Variants in COQ10B observed in about 807,000 individuals in gnomAD.
COQ10B encodes coenzyme Q10B.
Under a neutral mutation model 27.6 loss-of-function variants are expected in COQ10B, and 12 were observed. The observed-to-expected ratio is 0.43, with a 90% CI of 0.28 to 0.70. The LOEUF (loss-of-function observed/expected upper bound fraction) is 0.70, where lower values mean the gene tolerates loss of function less well. Among genes scored for constraint, COQ10B ranks in the 30% least tolerant of loss-of-function variants. The pLI, the probability that COQ10B is intolerant of heterozygous loss-of-function variation, is 0.17. For missense variants in COQ10B, 278 were observed against 288.7 expected, an observed-to-expected ratio of 0.96 and a Z score of 0.27; for synonymous variants, 115 against 103.0, an observed-to-expected ratio of 1.12 and a Z score of -0.71.
chr2:197,467,081 G>T (rs1373530495), intron 3 of COQ10B, among the ~76,000 whole-genome samples: 1 of 151,402 alleles, frequency 6.6e-6, no homozygotes, highest in Non-Finnish European at 1.5e-5. Flanking sequence ...TGAGTAGCTG[G>T]GATTATAGGC....
chr2:197,463,115 TAAA>T (rs972260134), intron 3 of COQ10B, among the ~76,000 whole-genome samples: 16 of 152,070 alleles, frequency 1.1e-4, no homozygotes, highest in African/African-American at 3.9e-4. Context: ...TTTTTTAAGT[TAAA>T]GAAGGAATGG....
intron 4 of COQ10B, among the ~76,000 whole-genome samples, chr2:197,471,552 G>A (rs187772107): frequency 1.4e-4 from 21 of 152,276 alleles, no homozygotes; most frequent in Admixed American, 1.4e-3. Flanking sequence ...GGCAACTTGG[G>A]CATTGAATTT....
intron 3 of COQ10B, among the ~76,000 whole-genome samples, chr2:197,464,019 A>G (rs1236786324): frequency 1.6e-5 from 2 of 125,256 alleles, no homozygotes; most frequent in Non-Finnish European, 3.3e-5. Context: ...ACACACACAC[A>G]CACACACATA....
intron 2 of COQ10B, among the ~76,000 whole-genome samples, chr2:197,460,292 C>G (rs1052803695): frequency 6.6e-6 from 1 of 150,832 alleles, no homozygotes; most frequent in African/African-American, 2.4e-5. Flanking sequence ...ACCTTCGCCT[C>G]TCAGATTCAA....
intron 1 of COQ10B, chr2:197,454,033 G>T (rs1312528067): frequency 1.3e-6 from 2 of 1,551,240 alleles, no homozygotes; most frequent in South Asian, 2.4e-5. Context: ...TGGCTGTATG[G>T]GAGTTTGTGT....
At chr2:197,456,066 C>T (rs913722126) in intron 1 of COQ10B, among the ~76,000 whole-genome samples, 2 of 152,178 alleles carry the variant, frequency 1.3e-5, no homozygotes, top group Non-Finnish European at 1.5e-5. Flanking sequence ...GAAATTCTGT[C>T]ATTTGCAGCA....
intron 2 of COQ10B, among the ~76,000 whole-genome samples, chr2:197,461,627 CAGAGAGAGAG>C (rs66918493): frequency 0.16 from 20,921 of 129,492 alleles, 1,657 homozygotes; most frequent in Middle Eastern, 0.28. Flanking sequence ...TACAGGGTCT[CAGAGAGAGAG>C]AGAGAGAGAG....
chr2:197,470,345 G>GT (rs1195346104), intron 4 of COQ10B, among the ~76,000 whole-genome samples, 174 bp downstream of exon 4: 1 of 152,066 alleles, frequency 6.6e-6, no homozygotes, highest in East Asian at 1.9e-4. Context: ...CCTTCATTCT[G>GT]TTTTTTACAA....
intron 1 of COQ10B, among the ~76,000 whole-genome samples, 173 bp from the exon 2 acceptor site, chr2:197,459,759 T>C (rs1305998151): frequency 6.6e-6 from 1 of 152,144 alleles, no homozygotes; most frequent in Non-Finnish European, 1.5e-5. Flanking sequence ...TTTTTTTTTT[T>C]TACAGTGTTT....
At chr2:197,469,311 C>A (rs370756637) in intron 3 of COQ10B, among the ~76,000 whole-genome samples, 3 of 152,358 alleles carry the variant, frequency 2.0e-5, no homozygotes, top group Admixed American at 6.5e-5. Flanking sequence ...CTCAAGTGAT[C>A]CCCCAACCTT....
At chr2:197,457,713 C>G (rs555779805) in intron 1 of COQ10B, among the ~76,000 whole-genome samples, 6 of 151,386 alleles carry the variant, frequency 4.0e-5, no homozygotes, top group Non-Finnish European at 7.4e-5. Flanking sequence ...CCTCCGCGTC[C>G]CAGGTTCAAG....
intron 3 of COQ10B, among the ~76,000 whole-genome samples, chr2:197,463,964 AATAT>A (rs879356506): frequency 0.016 from 455 of 28,068 alleles, 12 homozygotes; most frequent in Middle Eastern, 0.023. Flanking sequence ...AAAAAAAAAA[AATAT>A]ATATATATAT....
In COQ10B at chr2:197,464,022, C is replaced by CACACACAT. The variant is rs1553574118; in HGVS notation, c.447+1296_447+1297insCATACACA. Among the ~76,000 whole-genome samples, 140 of 99,626 alleles carry CACACACAT rather than the reference C, an allele frequency of 1.4e-3. 3 individuals carry two copies. The highest frequency in any genetic ancestry group is 2.4e-3 in the East Asian group (8 of 3,292). The allele number at this position is 99,626 out of a possible 152,430, so 65.4% of individuals were successfully genotyped here. Reference sequence around the variant, plus strand: ...ACACACACACACACACACACACACACACACATACATACACACACATATATA... The same window carrying CACACACAT: ...ACACACACACACACACACACACACACACACACATACACATACATACACACACATATATA... On this transcript the variant is annotated intron_variant, in intron 3 of 4. Coordinates refer to ENST00000263960, the MANE Select transcript of COQ10B (RefSeq NM_025147.5).
intron 4 of COQ10B, among the ~76,000 whole-genome samples, chr2:197,471,889 C>G (rs971829038): frequency 6.7e-6 from 1 of 149,462 alleles, no homozygotes; most frequent in African/African-American, 2.5e-5. Flanking sequence ...TTGCAGTGAT[C>G]TGAGATCGTA....
At position 197,453,610 on chromosome 2, in the gene COQ10B, G is replaced by A. The variant is rs1397601099; in HGVS notation, c.50G>A (p.Cys17Tyr). The change falls in exon 1 of 5, where the codon TGC (cysteine) becomes TAC (tyrosine). Residue 17 changes from cysteine (C) to tyrosine (Y), a missense_variant. Physicochemically the swap from Cys to Tyr is radical, Grantham distance 194. This residue lies in a region of COQ10B where 183 missense variants were observed against 158.2 expected (regional missense o/e 1.16). Transcript: ENST00000263960. Reference protein sequence around the residue: ...HTALRRVVSGCRPKSATAAGA... With the variant: ...HTALRRVVSGYRPKSATAAGA... ...GCCTTGAGAAGGGTAGTCTCGGGAT[G>A]CCGTCCGAAGTCGGCGACAGCGGCC... 2 of 1,614,056 alleles carry A rather than the reference G, an allele frequency of 1.2e-6. No individual in the cohort carries two copies. Among genetic ancestry groups the A allele is most frequent in the Non-Finnish European group, 1.7e-6 (2 of 1,180,002 alleles).
chr2:197,471,009 T>C (rs1488827713), intron 4 of COQ10B, among the ~76,000 whole-genome samples: 1 of 152,182 alleles, frequency 6.6e-6, no homozygotes, highest in East Asian at 1.9e-4. Context: ...GAGCTTGCAG[T>C]GAACTATGAT....
At chr2:197,465,481 G>A (rs1444195442) in intron 3 of COQ10B, among the ~76,000 whole-genome samples, 1 of 151,638 alleles carries the variant, frequency 6.6e-6, no homozygotes, top group South Asian at 2.1e-4. Flanking sequence ...TAGTAGAGAC[G>A]GGGTTTCTCC....
At chr2:197,456,472 A>G (rs1559290565) in intron 1 of COQ10B, among the ~76,000 whole-genome samples, 1 of 150,516 alleles carries the variant, frequency 6.6e-6, no homozygotes, top group Non-Finnish European at 1.5e-5. Flanking sequence ...CAAAAAAAAA[A>G]AAGTTGATCT....
intron 3 of COQ10B, among the ~76,000 whole-genome samples, chr2:197,465,287 G>A (rs1433804427): frequency 6.8e-6 from 1 of 146,542 alleles, no homozygotes; most frequent in Non-Finnish European, 1.5e-5. Flanking sequence ...GTTCCCTGCC[G>A]CCTTTTTTTT....
Sources: gnomAD v4.1 joint callset for allele counts (sites outside exome capture counted in the v4.1 genomes callset) on GRCh38, gnomAD v4.1.1 for gene constraint, gnomAD v4.1.1 regional missense constraint, MANE v1.5 for transcripts, NCBI Gene and HGNC (gene_info 2026-07-23, HGNC 2026-07-21) for gene names.